Variants in CSMD1 observed in about 807,000 individuals in gnomAD.
The protein encoded by CSMD1 is CUB and sushi domain-containing protein 1.
Under a neutral mutation model 417.5 loss-of-function variants are expected in CSMD1, and 213 were observed. The ratio of observed to expected loss-of-function variants is 0.51; its 90% CI spans 0.46 to 0.57. The LOEUF (loss-of-function observed/expected upper bound fraction) is 0.57. Among genes scored for constraint, CSMD1 ranks in the 20% least tolerant of loss-of-function variants. The probability of loss-of-function intolerance (pLI) is 0.00; values close to 1 mark genes in which losing one functional copy is unlikely to be tolerated. For missense variants in CSMD1, 6,923 were observed against 4,529.7 expected (o/e 1.53, Z -15.17); for synonymous variants, 2,862 against 1,736.8 (o/e 1.65, Z -16.11).
In CSMD1 at chr8:3,558,667, ACGG is replaced by A. The variant is rs1799326280; in HGVS notation, c.1344+16275_1344+16277del. Among the ~76,000 whole-genome samples the A allele has an allele frequency of 6.0e-5, 9 of 150,576 alleles. No homozygotes were observed. In the South Asian group the frequency reaches 6.3e-4, roughly 11 times the overall value. On this transcript the variant is annotated intron_variant, in intron 10 of 69. Transcript: ENST00000635120. ...CCCGTGTCCACTCCTCCAATGATGA[ACGG>A]TGTCTCAATGGTACCCCGTGTCCAC...
At chr8:4,804,141 T>C (rs554717598) in intron 1 of CSMD1, among the ~76,000 whole-genome samples, 2 of 152,234 alleles carry the variant, frequency 1.3e-5, no homozygotes, top group African/African-American at 4.8e-5. Context: ...CCTTTATACA[T>C]CAAAACTAGA....
chr8:4,916,931 G>T (rs1273963792), intron 1 of CSMD1, among the ~76,000 whole-genome samples: 4 of 152,204 alleles, frequency 2.6e-5, no homozygotes, highest in African/African-American at 9.6e-5. Flanking sequence ...CATGTCAACA[G>T]GGTGTGAGAC....
At chr8:4,364,312 G>C (rs1801944720) in intron 3 of CSMD1, among the ~76,000 whole-genome samples, 1 of 152,148 alleles carries the variant, frequency 6.6e-6, no homozygotes, top group Non-Finnish European at 1.5e-5. Context: ...AGGTCCTCTT[G>C]ATAAGACTAG....
intron 5 of CSMD1, among the ~76,000 whole-genome samples, chr8:3,809,900 C>G (rs141535433): frequency 3.3e-5 from 5 of 152,230 alleles, no homozygotes; most frequent in African/African-American, 9.6e-5. Context: ...GCCTTTCTCC[C>G]ATCTTTAATC....
intron 3 of CSMD1, among the ~76,000 whole-genome samples, chr8:4,055,299 G>T (rs1037742358): frequency 1.5e-4 from 23 of 152,198 alleles, no homozygotes; most frequent in South Asian, 4.1e-4. Context: ...TCTCTAGAAA[G>T]ATTCCAATGT....
At chr8:4,969,112 T>A (rs946161369) in intron 1 of CSMD1, among the ~76,000 whole-genome samples, 1 of 152,130 alleles carries the variant, frequency 6.6e-6, no homozygotes, top group Non-Finnish European at 1.5e-5. Context: ...CTTTTATAAT[T>A]TGCAGGACGA....
At chr8:3,461,941 C>A (rs1816531531) in intron 12 of CSMD1, among the ~76,000 whole-genome samples, 2 of 152,312 alleles carry the variant, frequency 1.3e-5, no homozygotes, top group Admixed American at 1.3e-4. Context: ...GGAGGCAGAT[C>A]CTCACATGGG....
intron 21 of CSMD1, among the ~76,000 whole-genome samples, chr8:3,350,301 CCTATAATAACCTATAATAACTT>C (rs1808333781): frequency 6.8e-6 from 1 of 147,458 alleles, no homozygotes; most frequent in Non-Finnish European, 1.5e-5. Context: ...TGTTATAATA[CCTATAATAACCTATAATAACTT>C]GTGTATGTGT....
intron 1 of CSMD1, among the ~76,000 whole-genome samples, chr8:4,790,470 GA>G (rs556820470): frequency 6.6e-6 from 1 of 151,890 alleles, no homozygotes; most frequent in Non-Finnish European, 1.5e-5. Context: ...CACAGAATGA[GA>G]AAAAAACTCT....
chr8:4,102,076 G>A (rs1006697127), intron 3 of CSMD1, among the ~76,000 whole-genome samples: 2 of 152,124 alleles, frequency 1.3e-5, no homozygotes, highest in African/African-American at 4.8e-5. Flanking sequence ...TTTTACCTGC[G>A]CTGCACTAAT....
At chr8:3,093,803 C>A (rs1052324228) in intron 47 of CSMD1, among the ~76,000 whole-genome samples, 1 of 152,126 alleles carries the variant, frequency 6.6e-6, no homozygotes, top group Non-Finnish European at 1.5e-5. Flanking sequence ...TCGGGCAATG[C>A]TGACTTTGGT....
chr8:3,918,941 G>C (rs1318281169), intron 5 of CSMD1, among the ~76,000 whole-genome samples: 1 of 150,280 alleles, frequency 6.7e-6, no homozygotes, highest in Non-Finnish European at 1.5e-5. Flanking sequence ...GGCTGCTCGG[G>C]TGATGGGTAC....
intron 5 of CSMD1, among the ~76,000 whole-genome samples, chr8:3,805,050 A>C (rs1800651032): frequency 6.6e-6 from 1 of 152,076 alleles, no homozygotes; most frequent in Admixed American, 6.6e-5. Flanking sequence ...GGAATATAAC[A>C]CCACTTAGGC....
chr8:4,390,145 A>G (rs1803744093), intron 3 of CSMD1, among the ~76,000 whole-genome samples: 1 of 152,186 alleles, frequency 6.6e-6, no homozygotes, highest in African/African-American at 2.4e-5. Context: ...ACTTTAATTC[A>G]TTGTCATCCC....
chr8:3,844,959 G>C (rs901549148), intron 5 of CSMD1, among the ~76,000 whole-genome samples: 2 of 152,106 alleles, frequency 1.3e-5, no homozygotes, highest in African/African-American at 2.4e-5. Context: ...AATGAATTAA[G>C]ATTTTAAAGA....
At chr8:4,130,960 G>A (rs952990624) in intron 3 of CSMD1, among the ~76,000 whole-genome samples, 6 of 152,030 alleles carry the variant, frequency 3.9e-5, no homozygotes, top group Admixed American at 6.6e-5. Flanking sequence ...CTATAAAATA[G>A]AAAACATTAT....
chr8:3,045,617 C>T (rs1383164041), intron 50 of CSMD1, among the ~76,000 whole-genome samples: 1 of 152,156 alleles, frequency 6.6e-6, no homozygotes, highest in African/African-American at 2.4e-5. Context: ...GAATAAACCA[C>T]ATGCAATGTT....
intron 10 of CSMD1, among the ~76,000 whole-genome samples, chr8:3,536,510 G>C (rs1043629906): frequency 6.6e-6 from 1 of 152,194 alleles, no homozygotes; most frequent in Admixed American, 6.5e-5. Flanking sequence ...TTCCTCTCCA[G>C]GGTATCTTCG....
chr8:4,673,121 C>T (rs1002327778), intron 1 of CSMD1, among the ~76,000 whole-genome samples: 1 of 151,998 alleles, frequency 6.6e-6, no homozygotes, highest in Non-Finnish European at 1.5e-5. Context: ...ACACACACAT[C>T]TGTAGCAAAC....
Sources: allele counts gnomAD v4.1 joint callset (sites outside exome capture counted in the v4.1 genomes callset), GRCh38; gene constraint gnomAD v4.1.1; transcripts MANE v1.5; gene names NCBI Gene and HGNC (gene_info 2026-07-23, HGNC 2026-07-21).